Variants in BBS9 observed in about 807,000 individuals in gnomAD.
The protein encoded by BBS9 is protein PTHB1.
In BBS9, 89 loss-of-function variants were observed where a neutral mutation model predicts 117.7. That is an observed-to-expected ratio of 0.76 (90% CI 0.64 to 0.90). The LOEUF (loss-of-function observed/expected upper bound fraction) is 0.90, where lower values mean the gene tolerates loss of function less well. Ranked by LOEUF, BBS9 falls within the 40% of genes least tolerant of loss-of-function variation. BBS9 has a pLI of 0.00. For synonymous variants in BBS9, 379 were observed against 370.9 expected (o/e 1.02, Z -0.25); for missense variants, 982 against 1,042.2 (o/e 0.94, Z 0.80).
intron 5 of BBS9, among the ~76,000 whole-genome samples, chr7:33,254,729 A>G (rs1408089423): frequency 6.6e-6 from 1 of 152,136 alleles, no homozygotes; most frequent in Non-Finnish European, 1.5e-5. Context: ...ACTTTTAAAA[A>G]ATATTACACG....
At position 33,492,982 on chromosome 7, in the gene BBS9, GTCT is replaced by G. The variant is rs991858809; in HGVS notation, c.2116-12470_2116-12468del. On this transcript the variant is annotated intron_variant, in intron 19 of 22. Coordinates refer to ENST00000242067, the MANE Select transcript of BBS9 (RefSeq NM_198428.3). ...AAGTTGCTTAACCCCTCTGCTCTTA[GTCT>G]TCTTCTTCTTTCTTCTTTCTTCTTT... 7.3e-5 allele frequency among the ~76,000 whole-genome samples: 11 copies of G among 151,156 alleles called. No individual in the cohort carries two copies. The East Asian group carries it at 7.9e-4, about 11-fold the overall frequency.
chr7:33,421,655 T>C (rs1832877997), intron 19 of BBS9, among the ~76,000 whole-genome samples: 1 of 152,146 alleles, frequency 6.6e-6, no homozygotes, highest in Non-Finnish European at 1.5e-5. Context: ...TGTTGAGATA[T>C]AGAGGGATTT....
chr7:33,247,496 A>G (rs989750492), intron 5 of BBS9, among the ~76,000 whole-genome samples: 3 of 151,862 alleles, frequency 2.0e-5, no homozygotes, highest in African/African-American at 7.3e-5. Context: ...TTTTAAATCC[A>G]TGTCTCGATG....
chr7:33,243,195 A>AAACCT (rs1373591325), intron 5 of BBS9, among the ~76,000 whole-genome samples: 3 of 152,212 alleles, frequency 2.0e-5, no homozygotes, highest in Non-Finnish European at 4.4e-5. Context: ...AACCCTCTTA[A>AAACCT]AACCTGTCTC....
chr7:33,283,666 A>G (rs1052221940), intron 9 of BBS9, among the ~76,000 whole-genome samples: 3 of 151,192 alleles, frequency 2.0e-5, no homozygotes, highest in Admixed American at 2.0e-4. Flanking sequence ...TGCTATGGAG[A>G]TTTTCTGTCT....
At chr7:33,257,077 G>T (rs1797192102) in intron 5 of BBS9, among the ~76,000 whole-genome samples, 159 bp from the exon 6 acceptor site, 1 of 151,994 alleles carries the variant, frequency 6.6e-6, no homozygotes, top group Non-Finnish European at 1.5e-5. Context: ...TTAGGGATTG[G>T]TATTTTTCAC....
intron 5 of BBS9, among the ~76,000 whole-genome samples, chr7:33,185,590 G>A (rs569937332): frequency 6.6e-6 from 1 of 152,266 alleles, no homozygotes; most frequent in South Asian, 2.1e-4. Context: ...TAAGCCTGAT[G>A]TCTTTAATGT....
At chr7:33,616,605 T>TG (rs1865151416) in intron 21 of BBS9, among the ~76,000 whole-genome samples, 1 of 146,580 alleles carries the variant, frequency 6.8e-6, no homozygotes, top group African/African-American at 2.5e-5. Flanking sequence ...GGAAAAAAAA[T>TG]GGGGGGTGGG....
chr7:33,130,623 G>A (rs1256846268), intron 1 of BBS9, among the ~76,000 whole-genome samples: 2 of 152,070 alleles, frequency 1.3e-5, no homozygotes, highest in African/African-American at 4.8e-5. Flanking sequence ...GATGCTGCAG[G>A]ATAAGCTATG....
chr7:33,271,595 A>G (rs1025864495), intron 7 of BBS9, among the ~76,000 whole-genome samples: 2 of 152,228 alleles, frequency 1.3e-5, no homozygotes, highest in Non-Finnish European at 2.9e-5. Flanking sequence ...ACCAACAAAG[A>G]CTAAAAAAGA....
chr7:33,409,070 G>C (rs1168614789), intron 19 of BBS9, among the ~76,000 whole-genome samples: 1 of 151,906 alleles, frequency 6.6e-6, no homozygotes, highest in East Asian at 1.9e-4. Flanking sequence ...TTTGCTTGTT[G>C]ATTCGTTTAC....
intron 20 of BBS9, among the ~76,000 whole-genome samples, chr7:33,515,289 G>T: frequency 6.6e-6 from 1 of 152,164 alleles, no homozygotes; most frequent in East Asian, 1.9e-4. Flanking sequence ...ACTGAGTAAG[G>T]TATCCCTGAA....
At chr7:33,159,779 G>A (rs1461424511) in intron 4 of BBS9, among the ~76,000 whole-genome samples, 1 of 152,174 alleles carries the variant, frequency 6.6e-6, no homozygotes, top group South Asian at 2.1e-4. Context: ...AGAGATGGCT[G>A]CATGCAAACA....
At chr7:33,164,557 T>C (rs1795363749) in intron 4 of BBS9, among the ~76,000 whole-genome samples, 3 of 152,214 alleles carry the variant, frequency 2.0e-5, no homozygotes, top group Admixed American at 2.0e-4. Context: ...GCTCTTCTTG[T>C]TGAATTGATC....
chr7:33,377,112 T>A (rs762731619), intron 17 of BBS9, among the ~76,000 whole-genome samples: 1 of 152,224 alleles, frequency 6.6e-6, no homozygotes. Flanking sequence ...TGTCATGAAA[T>A]CTTTACCAAT....
intron 6 of BBS9, among the ~76,000 whole-genome samples, chr7:33,263,144 A>G (rs765287033): frequency 4.6e-5 from 7 of 152,184 alleles, no homozygotes; most frequent in Non-Finnish European, 8.8e-5. Flanking sequence ...TAAGTTTGTC[A>G]TCACCTTCTA....
intron 20 of BBS9, among the ~76,000 whole-genome samples, chr7:33,529,531 A>C (rs1850233751): frequency 6.6e-6 from 1 of 152,232 alleles, no homozygotes; most frequent in African/African-American, 2.4e-5. Flanking sequence ...AATTTCCAAT[A>C]ACGACAAGGG....
intron 5 of BBS9, among the ~76,000 whole-genome samples, chr7:33,249,274 G>A (rs1795861266): frequency 2.0e-5 from 3 of 151,304 alleles, no homozygotes; most frequent in Admixed American, 6.6e-5. Context: ...TACACTTCAT[G>A]AATAGATTGT....
intron 19 of BBS9, among the ~76,000 whole-genome samples, chr7:33,410,336 A>G (rs778434618): frequency 5.3e-5 from 8 of 152,062 alleles, no homozygotes; most frequent in Non-Finnish European, 8.8e-5. Flanking sequence ...TTTCTTTAGG[A>G]AGCTTAGCCT....
Sources: gnomAD v4.1 joint callset for allele counts (sites outside exome capture counted in the v4.1 genomes callset) on GRCh38, gnomAD v4.1.1 for gene constraint, MANE v1.5 for transcripts, NCBI Gene and HGNC (gene_info 2026-07-23, HGNC 2026-07-21) for gene names.